CLASP2: variants seen among roughly 807,000 people sequenced by gnomAD.
CLASP2 encodes CLIP-associating protein 2.
A neutral mutation model predicts 194.4 loss-of-function variants in CLASP2; 47 were observed. That is an observed-to-expected ratio of 0.24 (90% confidence interval 0.19 to 0.31). CLASP2 has a LOEUF of 0.31. Among genes scored for constraint, CLASP2 ranks in the 10% least tolerant of loss-of-function variants. CLASP2 has a pLI of 1.00. For missense variants in CLASP2, 1,445 were observed against 1,823.6 expected (o/e 0.79, Z 3.78); for synonymous variants, 619 against 633.5 (o/e 0.98, Z 0.34).
intron 10 of CLASP2, 72 bp downstream of exon 10, chr3:33,626,916 C>G: frequency 1.1e-6 from 1 of 897,794 alleles, no homozygotes; most frequent in South Asian, 1.5e-5. Flanking sequence ...AGTACTACTA[C>G]TGAATTTCCA....
At chr3:33,528,558 T>C (rs1403794747) in intron 34 of CLASP2, among the ~76,000 whole-genome samples, 1 of 152,116 alleles carries the variant, frequency 6.6e-6, no homozygotes, top group Non-Finnish European at 1.5e-5. Context: ...GGTCAGGAAT[T>C]TGAGACCAGC....
At chr3:33,577,414 T>A (rs760652950) in intron 23 of CLASP2, 2 of 582,650 alleles carry the variant, frequency 3.4e-6, no homozygotes, top group Non-Finnish European at 5.9e-6. Context: ...CAATGGAACA[T>A]TAGCATTGCA....
chr3:33,535,484 A>G (rs1202113659), intron 33 of CLASP2, 23 bp from the exon 34 acceptor site: 1 of 1,555,568 alleles, frequency 6.4e-7, no homozygotes, highest in Admixed American at 1.7e-5. Flanking sequence ...AGTGAAAGCC[A>G]CAGCAAATTA....
At chr3:33,535,189 C>A in intron 34 of CLASP2, 44 bp downstream of exon 34, 3 of 1,347,582 alleles carry the variant, frequency 2.2e-6, no homozygotes, top group South Asian at 2.5e-5. Context: ...CATCAATTAC[C>A]AAGTTCTCCA....
At chr3:33,602,811 T>C (rs963719280) in intron 18 of CLASP2, 141 bp downstream of exon 18, 1 of 883,046 alleles carries the variant, frequency 1.1e-6, no homozygotes, top group Non-Finnish European at 1.8e-6. Flanking sequence ...CAGAAGTGTG[T>C]CCGCAATATA....
chr3:33,581,995 ATT>A, intron 22 of CLASP2, 67 bp from the exon 23 acceptor site: 1 of 1,206,824 alleles, frequency 8.3e-7, no homozygotes, highest in Non-Finnish European at 1.2e-6. Flanking sequence ...ATTTTAAAAA[ATT>A]TTGTTTTTTT....
intron 6 of CLASP2, 135 bp from the exon 7 acceptor site, chr3:33,663,650 CAATT>C: frequency 1.6e-6 from 1 of 616,814 alleles, no homozygotes. Flanking sequence ...CTCTCTTTCA[CAATT>C]AACGCACTGA....
chr3:33,712,559 G>A (rs1374758326), intron 1 of CLASP2, among the ~76,000 whole-genome samples: 2 of 152,092 alleles, frequency 1.3e-5, no homozygotes, highest in Admixed American at 6.6e-5. Context: ...TAATGGGTAA[G>A]CTTAATGAAA....
chr3:33,657,895 G>A (rs933691076), intron 7 of CLASP2, among the ~76,000 whole-genome samples: 7 of 152,058 alleles, frequency 4.6e-5, no homozygotes, highest in African/African-American at 1.7e-4. Flanking sequence ...TCTTAGAAGA[G>A]TTCACTACAT....
At chr3:33,539,968 A>C (rs1033787426) in intron 32 of CLASP2, among the ~76,000 whole-genome samples, 2 of 149,052 alleles carry the variant, frequency 1.3e-5, no homozygotes, top group African/African-American at 5.0e-5. Flanking sequence ...CCCAGGCTGG[A>C]GTGCAATGGC....
chr3:33,539,042 G>C, intron 32 of CLASP2, 100 bp from the exon 33 acceptor site: 1 of 839,660 alleles, frequency 1.2e-6, no homozygotes, highest in Non-Finnish European at 1.7e-6. Context: ...CAGGATTAGA[G>C]AATGTATATT....
intron 9 of CLASP2, chr3:33,627,325 C>A: frequency 2.3e-6 from 1 of 434,968 alleles, no homozygotes. Context: ...TCTCAAAATG[C>A]TTTGTAATTT....
intron 23 of CLASP2, among the ~76,000 whole-genome samples, chr3:33,581,576 T>C (rs901811172): frequency 2.0e-5 from 3 of 152,248 alleles, no homozygotes; most frequent in Admixed American, 6.5e-5. Context: ...AGTTTAAACC[T>C]GTGTGACATT....
At position 33,514,563 on chromosome 3, in the gene CLASP2, G is replaced by A. The variant is rs1285328472; in HGVS notation, c.4110+1460C>T. 5 of 173,042 alleles carry A rather than the reference G, an allele frequency of 2.9e-5. No homozygotes were observed. In the East Asian group the frequency reaches 7.4e-4, roughly 26 times the overall value. 10.7% of individuals were successfully genotyped at this position (173,042 alleles called of 1,614,324 possible). ...TTGATTTGTCTTTTGCTTCTGTCTT[G>A]GTTCTACCATAGATACCTAATGCTA... On this transcript the variant is annotated intron_variant, in intron 36 of 38. Transcript: ENST00000682230.
intron 12 of CLASP2, among the ~76,000 whole-genome samples, chr3:33,613,318 C>T (rs886107237): frequency 2.6e-5 from 4 of 152,164 alleles, no homozygotes; most frequent in African/African-American, 9.7e-5. Context: ...CCTGAGAATA[C>T]TCTTGAATTG....
intron 3 of CLASP2, among the ~76,000 whole-genome samples, chr3:33,688,579 TTATATA>T (rs2090984495): frequency 2.6e-5 from 4 of 152,176 alleles, no homozygotes. Context: ...ATTTTAGTAC[TTATATA>T]TATTTCACTT....
chr3:33,708,498 A>ATG (rs1178284481), intron 1 of CLASP2, among the ~76,000 whole-genome samples: 5 of 81,452 alleles, frequency 6.1e-5, no homozygotes, highest in African/African-American at 2.4e-4. Context: ...ATGTATATAT[A>ATG]TATATATGTA....
intron 23 of CLASP2, among the ~76,000 whole-genome samples, chr3:33,580,091 T>C (rs867469719): frequency 2.6e-5 from 4 of 152,196 alleles, no homozygotes; most frequent in Non-Finnish European, 2.9e-5. Flanking sequence ...TTCTTTTTAC[T>C]TTGGCACCTC....
At chr3:33,628,270 C>G (rs1225676218) in intron 9 of CLASP2, among the ~76,000 whole-genome samples, 1 of 152,148 alleles carries the variant, frequency 6.6e-6, no homozygotes, top group Non-Finnish European at 1.5e-5. Flanking sequence ...AAAGAAACTT[C>G]TGAGCTAGCT....
Sources: allele counts gnomAD v4.1 joint callset (sites outside exome capture counted in the v4.1 genomes callset), GRCh38; gene constraint gnomAD v4.1.1; transcripts MANE v1.5; gene names NCBI Gene and HGNC (gene_info 2026-07-23, HGNC 2026-07-21).